Variants in MFAP2 observed in about 807,000 individuals in gnomAD.
The protein encoded by MFAP2 is microfibrillar-associated protein 2.
Under a neutral mutation model 30.6 loss-of-function variants are expected in MFAP2, and 23 were observed. The observed-to-expected ratio is 0.75, with a 90% CI of 0.54 to 1.07. The LOEUF is 1.07. Ranked by LOEUF, MFAP2 falls within the 50% of genes least tolerant of loss-of-function variation. The probability of loss-of-function intolerance (pLI) is 0.00; values close to 1 mark genes in which losing one functional copy is unlikely to be tolerated. For synonymous variants in MFAP2, 73 were observed against 85.7 expected (o/e 0.85, Z 0.82); for missense variants, 198 against 223.8 (o/e 0.88, Z 0.74).
chr1:16,977,282 T>A, intron 2 of MFAP2, 84 bp from the exon 3 acceptor site: 1 of 1,359,258 alleles, frequency 7.4e-7, no homozygotes, highest in Non-Finnish European at 1.0e-6. Flanking sequence ...GAGGCGGGGG[T>A]CACAAGGTCA....
chr1:16,977,258 G>A (rs923722935), intron 2 of MFAP2, 60 bp from the exon 3 acceptor site: 126 of 1,550,940 alleles, frequency 8.1e-5, no homozygotes, highest in Non-Finnish European at 1.0e-4. Context: ...GGCCCGAGGC[G>A]CTTCTGGAGA....
rs921321459 is a variant in MFAP2, at chr1:16,974,831, C to A, written c.*89G>T. 7.5e-5 allele frequency: 41 copies of A among 550,270 alleles called. 1 individual carries two copies. Among genetic ancestry groups the A allele is most frequent in the Admixed American group, 3.1e-4 (9 of 28,698 alleles). The allele number at this position is 550,270 out of a possible 1,614,324, so 34.1% of individuals were successfully genotyped here. A position where few individuals can be genotyped will look rare whatever the true frequency, so the allele number is the denominator to read the frequency against. On this transcript the variant is annotated 3_prime_UTR_variant, in exon 9 of 9. Transcript: ENST00000375535. ...CTAACTTTTTACAGAATAAAAGGAA[C>A]ATGGGGATGGGGAAAAAAGCACCAG...
Position 16,976,982 on chromosome 1 carries a change from G to A in MFAP2, c.128-59C>T. 1.2e-6 allele frequency: 2 copies of A among 1,613,800 alleles called. No homozygotes were observed. The highest frequency in any genetic ancestry group is 1.7e-6 in the Non-Finnish European group (2 of 1,179,798). On this transcript the variant is annotated intron_variant, in intron 3 of 8. Coordinates refer to ENST00000375535, the MANE Select transcript of MFAP2 (RefSeq NM_002403.4). This position sits in a 1 kb window ranked among gnomAD's most constrained non-coding sequence, Gnocchi z 5.5. ...GTAAGGCTAATCCCCCAGCCCCTGG[G>A]GCAAACAAGTTCCCTCCTGAGCCAG...
Position 16,975,743 on chromosome 1 carries a change from G to C in MFAP2, c.287-13C>G, listed in dbSNP as rs750113519. 47 of 1,612,018 alleles carry C rather than the reference G, an allele frequency of 2.9e-5. No homozygotes were observed. The highest frequency in any genetic ancestry group is 3.8e-5 in the Non-Finnish European group (45 of 1,179,004). ...TCCTCACGGCAGTCTGGTGACAGGT[G>C]GGGTCAGACTAGGAGCCCAGAGTGG... On this transcript the variant is annotated splice_polypyrimidine_tract_variant and intron_variant, in intron 6 of 8. Coordinates refer to ENST00000375535, the MANE Select transcript of MFAP2 (RefSeq NM_002403.4). This position sits in a 1 kb window ranked among gnomAD's most constrained non-coding sequence, Gnocchi z 5.0.
At chr1:16,977,438 C>T (rs998642990) in intron 2 of MFAP2, 2 of 523,422 alleles carry the variant, frequency 3.8e-6, no homozygotes, top group African/African-American at 3.8e-5. Flanking sequence ...CTGGCTGCTC[C>T]TAGGACTCCA....
Position 16,976,367 on chromosome 1 carries a change from C to G in MFAP2, c.286+134G>C. 8.8e-7 allele frequency: 1 copy of G among 1,139,282 alleles called. No homozygotes were observed. Among genetic ancestry groups the G allele is most frequent in the Non-Finnish European group, 1.3e-6 (1 of 759,084 alleles). The allele number at this position is 1,139,282 out of a possible 1,614,324, so 70.6% of individuals were successfully genotyped here. ...GGGGCCTGGTGATGCCAGCCTACGG[C>G]AGTCATACTGCCCACACTGCCAAGA... is the stretch of plus-strand genomic sequence containing the variant. On this transcript the variant is annotated intron_variant, in intron 6 of 8. Coordinates refer to ENST00000375535, the MANE Select transcript of MFAP2 (RefSeq NM_002403.4). This position sits in a 1 kb window ranked among gnomAD's most constrained non-coding sequence, Gnocchi z 5.5.
chr1:16,979,403 T>G (rs906046789), intron 1 of MFAP2, among the ~76,000 whole-genome samples: 5 of 152,132 alleles, frequency 3.3e-5, no homozygotes, highest in African/African-American at 1.2e-4. Flanking sequence ...TTTTCCCCAC[T>G]GGGAGTCCAG....
At position 16,977,216 on chromosome 1, in the gene MFAP2, A is replaced by T. The variant is rs759565592; in HGVS notation, c.38-18T>A. On this transcript the variant is annotated intron_variant, in intron 2 of 8. Transcript: ENST00000375535. The stretch of plus-strand genomic sequence containing the variant: ...CAAGCCTGCTGTGGGGAGGCAAAGC[A>T]TGTAGGGTACCCCATCGGGAGGGGC... The T allele has an allele frequency of 7.4e-6, 12 of 1,611,830 alleles. No individual in the cohort carries two copies. Among genetic ancestry groups the T allele is most frequent in the Non-Finnish European group, 4.2e-6 (5 of 1,179,258 alleles).
intron 2 of MFAP2, chr1:16,977,434 G>C (rs545864647): frequency 1.9e-6 from 1 of 533,082 alleles, no homozygotes; most frequent in East Asian, 3.2e-5. Flanking sequence ...CCTCCTGGCT[G>C]CTCCTAGGAC....
chr1:16,978,177 C>T, intron 2 of MFAP2, 60 bp downstream of exon 2: 3 of 1,523,296 alleles, frequency 2.0e-6, no homozygotes, highest in East Asian at 2.4e-5. Flanking sequence ...ATTCCCCCTA[C>T]TAACCCTACT....
chr1:16,981,427 C>A (rs536118723), upstream of MFAP2, among the ~76,000 whole-genome samples: 2 of 152,238 alleles, frequency 1.3e-5, no homozygotes, highest in South Asian at 4.1e-4. Context: ...TCCCAGTCCC[C>A]CCTTGGCCCC....
In MFAP2 at chr1:16,977,210, C is replaced by G; in HGVS notation, c.38-12G>C. 3 of 1,612,574 alleles carry G rather than the reference C, an allele frequency of 1.9e-6. No homozygotes were observed. Among genetic ancestry groups the G allele is most frequent in the South Asian group, 1.1e-5 (1 of 90,936 alleles). ...AGCCAGCAAGCCTGCTGTGGGGAGG[C>G]AAAGCATGTAGGGTACCCCATCGGG... On this transcript the variant is annotated splice_polypyrimidine_tract_variant and intron_variant, in intron 2 of 8. Transcript: ENST00000375535.
chr1:16,975,252 G>A lies in MFAP2; in HGVS notation c.448+17C>T. On this transcript the variant is annotated intron_variant, in intron 8 of 8. Coordinates refer to ENST00000375535, the MANE Select transcript of MFAP2 (RefSeq NM_002403.4). This position sits in a 1 kb window ranked among gnomAD's most constrained non-coding sequence, Gnocchi z 5.0. ...GGTGTGGGGACAGGGGAGGTCTTGGGGAGGTGGCCTTCCTACCTCGGAGGA... is the reference window on the plus strand; with the variant it reads ...GGTGTGGGGACAGGGGAGGTCTTGGAGAGGTGGCCTTCCTACCTCGGAGGA... 2 of 1,610,330 alleles carry A rather than the reference G, an allele frequency of 1.2e-6. No homozygotes were observed. Among genetic ancestry groups the A allele is most frequent in the South Asian group, 2.2e-5 (2 of 90,650 alleles).
rs372201361 is a variant in MFAP2 at position 16,975,359 on chromosome 1, C to T, written c.375-17G>A. On this transcript the variant is annotated splice_polypyrimidine_tract_variant and intron_variant, in intron 7 of 8. Transcript: ENST00000375535. This position sits in a 1 kb window ranked among gnomAD's most constrained non-coding sequence, Gnocchi z 5.0. ...CGGCGGAGGCTGCGGGGACAGGGCA[C>T]GGGAGGTCTCAGCCCCACTTCCACC... The T allele has an allele frequency of 4.5e-5, 73 of 1,612,008 alleles. No individual in the cohort carries two copies. The African/African-American group carries it at 5.6e-4, about 12-fold the overall frequency.
At chr1:16,980,267 A>ACACCCCCCCCC (rs1557656639) in intron 1 of MFAP2, among the ~76,000 whole-genome samples, 5 of 80,294 alleles carry the variant, frequency 6.2e-5, no homozygotes, top group Non-Finnish European at 1.1e-4. Context: ...TTCCCACCGG[A>ACACCCCCCCCC]CCCCCCCCCC....
In MFAP2 at chr1:16,975,454, G is replaced by T; in HGVS notation, c.375-112C>A. The T allele has an allele frequency of 8.1e-7, 1 of 1,238,620 alleles. No homozygotes were observed. The highest frequency in any genetic ancestry group is 1.2e-6 in the Non-Finnish European group (1 of 864,488). The allele number at this position is 1,238,620 out of a possible 1,614,324, so 76.7% of individuals were successfully genotyped here. On this transcript the variant is annotated intron_variant, in intron 7 of 8. Transcript: ENST00000375535. This position sits in a 1 kb window ranked among gnomAD's most constrained non-coding sequence, Gnocchi z 5.0. Reference sequence around the variant, plus strand: ...GGACAGAACCTGGCACGGGAGCCCGGACAGAACCTGGCACTGGAGCCCAGG... The same window carrying T: ...GGACAGAACCTGGCACGGGAGCCCGTACAGAACCTGGCACTGGAGCCCAGG...
Position 16,975,793 on chromosome 1 carries a change from C to A in MFAP2, c.287-63G>T. On this transcript the variant is annotated intron_variant, in intron 6 of 8. Coordinates refer to ENST00000375535, the MANE Select transcript of MFAP2 (RefSeq NM_002403.4). This position sits in a 1 kb window ranked among gnomAD's most constrained non-coding sequence, Gnocchi z 5.0. The stretch of plus-strand genomic sequence containing the variant: ...GGGGGCGGCCCCCAGCCTCACCCAC[C>A]TGAGGCTGGCTCACAGGGCCTAGTC... 2 of 1,425,428 alleles carry A rather than the reference C, an allele frequency of 1.4e-6. No individual in the cohort carries two copies. The highest frequency in any genetic ancestry group is 2.0e-6 in the Non-Finnish European group (2 of 1,021,640). The allele number at this position is 1,425,428 out of a possible 1,614,324, so 88.3% of individuals were successfully genotyped here. A position where few individuals can be genotyped will look rare whatever the true frequency, so the allele number is the denominator to read the frequency against.
At chr1:16,981,289 A>T (rs372467305), upstream of MFAP2, among the ~76,000 whole-genome samples, 1 of 152,050 alleles carries the variant, frequency 6.6e-6, no homozygotes, top group East Asian at 1.9e-4. Context: ...GGCCATAACC[A>T]GCACCTCTTT....
At chr1:16,981,562 A>G (rs1399509044), upstream of MFAP2, among the ~76,000 whole-genome samples, 1 of 152,206 alleles carries the variant, frequency 6.6e-6, no homozygotes, top group Non-Finnish European at 1.5e-5. Flanking sequence ...CCCTGGCCTA[A>G]GCCACTGTGA....
Sources: allele counts gnomAD v4.1 joint callset (sites outside exome capture counted in the v4.1 genomes callset), GRCh38; gene constraint gnomAD v4.1.1; non-coding constraint Gnocchi (gnomAD v3.1); transcripts MANE v1.5; gene names NCBI Gene and HGNC (gene_info 2026-07-23, HGNC 2026-07-21).